The following HIPK3 variants were observed in gnomAD, a reference collection of about 807,000 sequenced individuals.
HIPK3 encodes homeodomain interacting protein kinase 3, also known as homeodomain-interacting protein kinase 3.
In HIPK3, 47 loss-of-function variants were observed where a neutral mutation model predicts 124.2. That is an observed-to-expected ratio of 0.38 (90% CI 0.30 to 0.48). The LOEUF (loss-of-function observed/expected upper bound fraction) is 0.48. Ranked by LOEUF, HIPK3 falls within the 20% of genes least tolerant of loss-of-function variation. HIPK3 has a pLI of 0.98. For missense variants in HIPK3, 1,286 were observed against 1,454.3 expected, an observed-to-expected ratio of 0.88 and a Z score of 1.88; for synonymous variants, 482 against 515.2, an observed-to-expected ratio of 0.94 and a Z score of 0.87.
At chr11:33,304,879 G>A (rs1852109950) in intron 2 of HIPK3, among the ~76,000 whole-genome samples, 1 of 152,162 alleles carries the variant, frequency 6.6e-6, no homozygotes, top group Non-Finnish European at 1.5e-5. Flanking sequence ...TCAGAAATAA[G>A]CTAGTCTGGT....
At chr11:33,269,839 T>C (rs1851074567) in intron 1 of HIPK3, among the ~76,000 whole-genome samples, 1 of 152,154 alleles carries the variant, frequency 6.6e-6, no homozygotes, top group South Asian at 2.1e-4. Flanking sequence ...TCAACCCATA[T>C]TTTGAACCTC....
Position 33,327,359 on chromosome 11 carries a change from T to C in HIPK3, c.1098-1151T>C, listed in dbSNP as rs551331325. Among the ~76,000 whole-genome samples the C allele has an allele frequency of 1.1e-4, 17 of 152,192 alleles. 1 individual carries two copies. The highest frequency in any genetic ancestry group is 2.4e-4 in the Non-Finnish European group (16 of 68,034). ...CCACACTGAGGGACGTTTCTTCAAA[T>C]ATCTGTCCTGTAATATGTTATACAA... On this transcript the variant is annotated intron_variant, in intron 2 of 16. Coordinates refer to ENST00000303296, the MANE Select transcript of HIPK3 (RefSeq NM_005734.5).
intron 1 of HIPK3, chr11:33,258,212 C>G (rs969641302): frequency 1.4e-6 from 1 of 728,002 alleles, no homozygotes. Flanking sequence ...TCGGCCCCCC[C>G]TCCCCCTGCC....
chr11:33,276,244 A>G (rs1851266520), intron 1 of HIPK3, among the ~76,000 whole-genome samples: 1 of 152,178 alleles, frequency 6.6e-6, no homozygotes, highest in East Asian at 1.9e-4. Context: ...TAATTGCATA[A>G]AGTAAAGACT....
intron 2 of HIPK3, among the ~76,000 whole-genome samples, chr11:33,324,409 G>T (rs1852751260): frequency 6.6e-6 from 1 of 152,152 alleles, no homozygotes. Flanking sequence ...GGAGGATTTG[G>T]TCTTGTTTGT....
chr11:33,293,252 A>G (rs10734415), intron 2 of HIPK3, among the ~76,000 whole-genome samples: 101,214 of 152,038 alleles, frequency 0.67, 33,967 homozygotes, highest in Non-Finnish European at 0.72. Flanking sequence ...TCATTTAAGT[A>G]TACAATTTAA....
At chr11:33,287,923 A>T (rs181280578) in intron 2 of HIPK3, among the ~76,000 whole-genome samples, 1 of 152,330 alleles carries the variant, frequency 6.6e-6, no homozygotes, top group Non-Finnish European at 1.5e-5. Context: ...ATTTAGAAAA[A>T]TTATATACAG....
intron 14 of HIPK3, 144 bp from the exon 15 acceptor site, chr11:33,351,464 G>A: frequency 3.3e-6 from 2 of 612,306 alleles, no homozygotes; most frequent in Non-Finnish European, 5.8e-6. Flanking sequence ...ATGAAAAAGT[G>A]CTATTGGACA....
chr11:33,342,141 A>G (rs1003577142), intron 8 of HIPK3, among the ~76,000 whole-genome samples: 3 of 151,554 alleles, frequency 2.0e-5, no homozygotes, highest in Non-Finnish European at 2.9e-5. Context: ...AAGCTGTTCA[A>G]TAAGCCTTCA....
Position 33,258,341 on chromosome 11 carries a change from G to A in HIPK3, c.-3+452G>A, listed in dbSNP as rs1205282495. On this transcript the variant is annotated intron_variant, in intron 1 of 16. Transcript: ENST00000303296. ...GGAGATCCCTTTCCTTTCATTAAGG[G>A]GAACAAACAAACGCGCAGGCACGCA... 4.1e-6 allele frequency: 4 copies of A among 985,452 alleles called. No homozygotes were observed. The African/African-American group carries it at 7.0e-5, about 17-fold the overall frequency. 61.0% of individuals were successfully genotyped at this position (985,452 alleles called of 1,614,324 possible).
Position 33,297,778 on chromosome 11 carries a change from C to CTTTTT in HIPK3, c.1097+10289_1097+10293dup, listed in dbSNP as rs1015881408. Among the ~76,000 whole-genome samples the CTTTTT allele has an allele frequency of 1.8e-3, 145 of 81,992 alleles. 11 individuals carry two copies. The highest frequency in any genetic ancestry group is 5.1e-3 in the African/African-American group (107 of 21,180). The allele number at this position is 81,992 out of a possible 152,430, so 53.8% of individuals were successfully genotyped here. A position where few individuals can be genotyped will look rare whatever the true frequency, so the allele number is the denominator to read the frequency against. ...TGGCTTCAGAACTTCAAAGAACAGG[C>CTTTTT]TTTTTTTTTTTTTTTTTTTTTTTTT... On this transcript the variant is annotated intron_variant, in intron 2 of 16. Coordinates refer to ENST00000303296, the MANE Select transcript of HIPK3 (RefSeq NM_005734.5).
intron 6 of HIPK3, among the ~76,000 whole-genome samples, chr11:33,339,922 T>C (rs1440332170): frequency 6.6e-6 from 1 of 152,204 alleles, no homozygotes; most frequent in East Asian, 1.9e-4. Context: ...TTTTACATTT[T>C]TTTTTCCCCA....
rs117332415 is a variant in HIPK3 at position 33,325,801 on chromosome 11, A to G, written c.1098-2709A>G. 1.4e-4 allele frequency among the ~76,000 whole-genome samples: 22 copies of G among 152,284 alleles called. No homozygotes were observed. The East Asian group carries it at 3.7e-3, about 25-fold the overall frequency. ...TTTTTTGGTACAATATTGTGAATAT[A>G]TAGGATTAATAACAGTGCAGCTTCC... On this transcript the variant is annotated intron_variant, in intron 2 of 16. Transcript: ENST00000303296.
chr11:33,258,508 G>C, intron 1 of HIPK3: 1 of 985,432 alleles, frequency 1.0e-6, no homozygotes, highest in Non-Finnish European at 1.2e-6. Context: ...TGTGATCCGC[G>C]GCTCCGCGTC....
intron 2 of HIPK3, among the ~76,000 whole-genome samples, chr11:33,317,057 G>A (rs536382339): frequency 4.6e-5 from 7 of 150,670 alleles, no homozygotes; most frequent in African/African-American, 1.5e-4. Context: ...TGCAACCTCC[G>A]CCTCCTAGGT....
At chr11:33,289,869 A>G (rs1851653987) in intron 2 of HIPK3, among the ~76,000 whole-genome samples, 2 of 152,148 alleles carry the variant, frequency 1.3e-5, no homozygotes, top group South Asian at 2.1e-4. Context: ...CATGAGTTCA[A>G]TTGTTTTAAT....
intron 1 of HIPK3, among the ~76,000 whole-genome samples, chr11:33,281,331 A>G (rs1851408205): frequency 6.6e-6 from 1 of 152,194 alleles, no homozygotes; most frequent in Admixed American, 6.5e-5. Context: ...TAGACAGGAT[A>G]GCATAATGAA....
intron 3 of HIPK3, among the ~76,000 whole-genome samples, chr11:33,333,749 G>T (rs1373634203): frequency 2.6e-5 from 4 of 152,048 alleles, no homozygotes; most frequent in African/African-American, 4.8e-5. Flanking sequence ...TATTCTCTTT[G>T]CTTTTTTAGC....
Position 33,341,100 on chromosome 11 carries a change from T to A in HIPK3, c.1746T>A (p.Phe582Leu), listed in dbSNP as rs1853319360. The A allele has an allele frequency of 6.3e-7, 1 of 1,596,882 alleles. No individual in the cohort carries two copies. The highest frequency in any genetic ancestry group is 8.5e-7 in the Non-Finnish European group (1 of 1,174,588). ...SSSTATLTAN[F>L]TKIGTLRSQA... ...GTACTGCTACACTGACTGCAAATTT[T>A]ACTAAAATCGGAACATTAAGAAGTC... Residue 582 changes from phenylalanine to leucine, a missense_variant, in exon 7 of 17, where the codon TTT becomes TTA. By Grantham distance (22) the Phe-to-Leu change is conservative. This residue lies in a region of HIPK3 where 810 missense variants were observed against 864.9 expected (regional missense o/e 0.94). Coordinates refer to ENST00000303296, the MANE Select transcript of HIPK3 (RefSeq NM_005734.5).
Sources: allele counts gnomAD v4.1 joint callset (sites outside exome capture counted in the v4.1 genomes callset), GRCh38; gene constraint gnomAD v4.1.1; regional missense constraint gnomAD v4.1.1; transcripts MANE v1.5; gene names NCBI Gene and HGNC (gene_info 2026-07-23, HGNC 2026-07-21).